The following HIVEP1 variants were observed in gnomAD, a reference collection of about 807,000 sequenced individuals.
The protein encoded by HIVEP1 is HIVEP zinc finger 1.
HIVEP1 carries 36 observed loss-of-function variants against 180.0 expected under a neutral mutation model. That is an observed-to-expected ratio of 0.20 (90% CI 0.15 to 0.26). The LOEUF is 0.26. HIVEP1 is among the 10% of genes least tolerant of loss of function. The pLI is 1.00. For missense variants in HIVEP1, 3,143 were observed against 3,268.7 expected, an observed-to-expected ratio of 0.96 and a Z score of 0.94; for synonymous variants, 1,239 against 1,239.0, an observed-to-expected ratio of 1.00 and a Z score of 0.00.
intron 7 of HIVEP1, among the ~76,000 whole-genome samples, chr6:12,151,298 A>T (rs1180769589): frequency 2.6e-5 from 4 of 152,210 alleles, no homozygotes; most frequent in Non-Finnish European, 5.9e-5. Flanking sequence ...ACATAATTAA[A>T]TGAAACTTTT....
At chr6:12,176,618 A>C in the HIVEP1 span, among the ~76,000 whole-genome samples, 1 of 152,154 alleles carries the variant, frequency 6.6e-6, no homozygotes. Context: ...CATTTAGTAA[A>C]TGAAGAAAGC....
intron 2 of HIVEP1, among the ~76,000 whole-genome samples, chr6:12,074,634 G>GTGTGTGTGTGTGTGTGTGTGTGTA (rs1215999225): frequency 1.7e-5 from 2 of 115,038 alleles, no homozygotes; most frequent in Admixed American, 8.4e-5. Flanking sequence ...GTGTGTGTGT[G>GTGTGTGTGTGTGTGTGTGTGTGTA]TGTGTGTGTG....
intron 2 of HIVEP1, among the ~76,000 whole-genome samples, chr6:12,068,930 C>T (rs1005321002): frequency 1.3e-5 from 2 of 152,186 alleles, no homozygotes; most frequent in African/African-American, 4.8e-5. Context: ...TCCTTATTAT[C>T]AGCCTTACCA....
rs773082393 is a variant in HIVEP1, at chr6:12,120,469, G to A, written c.674G>A (p.Arg225Lys). 8.7e-6 allele frequency: 14 copies of A among 1,614,090 alleles called. No individual in the cohort carries two copies. In the East Asian group the frequency reaches 3.1e-4, roughly 36 times the overall value. ...SPCAIKTEKLRPNKTARSPPK... is the reference protein window; with the variant it reads ...SPCAIKTEKLKPNKTARSPPK... ...TGTGCAATTAAGACAGAAAAACTGA[G>A]GCCAAATAAAACTGCACGTTCCCCT... The change falls in exon 4 of 9, where the codon AGG (arginine) becomes AAG (lysine). Residue 225 changes from arginine (R) to lysine (K), a missense_variant. Arg to Lys is a conservative substitution (Grantham distance 26). Around this residue, in one of 12 missense-constraint regions of HIVEP1, gnomAD observed 306 missense variants for 310.6 expected, o/e 0.99. Coordinates refer to ENST00000379388, the MANE Select transcript of HIVEP1 (RefSeq NM_002114.4).
chr6:12,172,814 ATGC>A, the HIVEP1 span, among the ~76,000 whole-genome samples: 7 of 146,940 alleles, frequency 4.8e-5, no homozygotes, highest in African/African-American at 1.8e-4. Flanking sequence ...CTACTGTTCC[ATGC>A]TGCTTTTTCA....
chr6:12,114,560 CTCACCGCATAT>C (rs1283562815), intron 3 of HIVEP1, among the ~76,000 whole-genome samples: 1 of 152,126 alleles, frequency 6.6e-6, no homozygotes, highest in Non-Finnish European at 1.5e-5. Context: ...AAAAACAGCT[CTCACCGCATAT>C]TCCCAGATCT....
At position 12,070,059 on chromosome 6, in the gene HIVEP1, G is replaced by C. The variant is rs142883609; in HGVS notation, c.41-19125G>C. On this transcript the variant is annotated intron_variant, in intron 2 of 8. Transcript: ENST00000379388. ...ATCTTGTCCCACGGAAGGTCTTCAG[G>C]GGCAGTGACACATATGGAGCTGTCA... Among the ~76,000 whole-genome samples, 294 of 152,120 alleles carry C rather than the reference G, an allele frequency of 1.9e-3. 2 individuals carry two copies. The highest frequency in any genetic ancestry group is 3.2e-3 in the Non-Finnish European group (215 of 68,012).
chr6:12,107,169 A>T (rs1162357205), intron 3 of HIVEP1, among the ~76,000 whole-genome samples: 1 of 152,216 alleles, frequency 6.6e-6, no homozygotes, highest in Non-Finnish European at 1.5e-5. Flanking sequence ...CACTGCAGTA[A>T]AGCAAATACT....
At chr6:12,015,775 A>AC in intron 2 of HIVEP1, 107 bp downstream of exon 2, 4 of 976,046 alleles carry the variant, frequency 4.1e-6, no homozygotes, top group Non-Finnish European at 4.8e-6. Flanking sequence ...CTGCCTGGTG[A>AC]GGAGCGCTAT....
chr6:12,054,961 G>C (rs1483062404), intron 2 of HIVEP1, among the ~76,000 whole-genome samples: 1 of 152,158 alleles, frequency 6.6e-6, no homozygotes, highest in African/African-American at 2.4e-5. Flanking sequence ...TCAGTTTCTC[G>C]TGAGATGTAG....
At chr6:12,109,906 A>T (rs1774774331) in intron 3 of HIVEP1, among the ~76,000 whole-genome samples, 1 of 152,230 alleles carries the variant, frequency 6.6e-6, no homozygotes, top group Non-Finnish European at 1.5e-5. Context: ...TTTCTTAAAT[A>T]GTAAGCCTTG....
intron 2 of HIVEP1, among the ~76,000 whole-genome samples, chr6:12,072,810 G>T (rs1452271449): frequency 1.3e-5 from 2 of 151,896 alleles, no homozygotes; most frequent in Non-Finnish European, 2.9e-5. Context: ...ATTCTTTTTA[G>T]AGTTTCTATA....
At chr6:12,017,703 A>C (rs1002084161) in intron 2 of HIVEP1, among the ~76,000 whole-genome samples, 1 of 152,226 alleles carries the variant, frequency 6.6e-6, no homozygotes, top group African/African-American at 2.4e-5. Flanking sequence ...GCTAGACACA[A>C]AAGTTCTCCA....
intron 2 of HIVEP1, among the ~76,000 whole-genome samples, chr6:12,054,035 T>C (rs911545303): frequency 6.6e-6 from 1 of 152,246 alleles, no homozygotes; most frequent in African/African-American, 2.4e-5. Flanking sequence ...TTTCAAATAG[T>C]CTGTCATATT....
chr6:12,020,161 G>T, intron 2 of HIVEP1: 1 of 386,866 alleles, frequency 2.6e-6, no homozygotes, highest in Non-Finnish European at 5.3e-6. Flanking sequence ...GTGTAGGACT[G>T]TGGTTTTGTT....
chr6:12,194,875 C>T, the HIVEP1 span, among the ~76,000 whole-genome samples: 4 of 152,080 alleles, frequency 2.6e-5, no homozygotes. Flanking sequence ...TAGAGGAAGC[C>T]AAAGGGCTTT....
chr6:12,181,068 A>C, the HIVEP1 span, among the ~76,000 whole-genome samples: 1 of 151,968 alleles, frequency 6.6e-6, no homozygotes, highest in Non-Finnish European at 1.5e-5. Context: ...CTTAAGCAAA[A>C]TTTTTTTTAG....
rs1271057777 is a variant in HIVEP1, at chr6:12,122,073, G to C, written c.2278G>C (p.Asp760His). The C allele has an allele frequency of 1.9e-6, 3 of 1,614,200 alleles. No individual in the cohort carries two copies. Among genetic ancestry groups the C allele is most frequent in the Non-Finnish European group, 2.5e-6 (3 of 1,180,030 alleles). Residue 760 changes from aspartate to histidine, a missense_variant, in exon 4 of 9, where the codon GAT (aspartate) becomes CAT (histidine). Around this residue, in one of 12 missense-constraint regions of HIVEP1, gnomAD observed 32 missense variants for 70.0 expected, o/e 0.46. Coordinates refer to ENST00000379388, the MANE Select transcript of HIVEP1 (RefSeq NM_002114.4). Reference protein sequence around the residue: ...KLISDNEALVDDKQLDSVKPR... With the variant: ...KLISDNEALVHDKQLDSVKPR... ...TATCTCAGACAATGAAGCTTTGGTA[G>C]ATGACAAGCAACTGGATAGTGTGAA...
At chr6:12,204,232 ACTGT>A in the HIVEP1 span, among the ~76,000 whole-genome samples, 2 of 152,198 alleles carry the variant, frequency 1.3e-5, no homozygotes, top group African/African-American at 4.8e-5. Context: ...GTAATATTGC[ACTGT>A]CTATCATAGG....
Sources: gnomAD v4.1 joint callset for allele counts (sites outside exome capture counted in the v4.1 genomes callset) on GRCh38, gnomAD v4.1.1 for gene constraint, gnomAD v4.1.1 regional missense constraint, MANE v1.5 for transcripts, NCBI Gene and HGNC (gene_info 2026-07-23, HGNC 2026-07-21) for gene names.